CCDC61: variants seen among roughly 807,000 people sequenced by gnomAD.
CCDC61 encodes the protein coiled-coil domain containing 61, also known as centrosomal protein CCDC61.
Under a neutral mutation model 63.0 loss-of-function variants are expected in CCDC61, and 55 were observed. The ratio of observed to expected loss-of-function variants is 0.87; its 90% CI spans 0.70 to 1.09. CCDC61 has a LOEUF of 1.09. Ranked by LOEUF, CCDC61 falls within the 50% of genes least tolerant of loss-of-function variation. CCDC61 has a pLI of 0.00. For missense variants in CCDC61, 651 were observed against 731.4 expected (o/e 0.89, Z 1.27); for synonymous variants, 270 against 317.0 (o/e 0.85, Z 1.58).
intron 12 of CCDC61, among the ~76,000 whole-genome samples, chr19:46,017,542 C>CT (rs1383357029): frequency 8.0e-6 from 1 of 124,982 alleles, no homozygotes; most frequent in African/African-American, 2.9e-5. Flanking sequence ...TGGGACTAGG[C>CT]TTTTTTGGGG....
chr19:46,006,815 T>A (rs1325508673), intron 4 of CCDC61, 99 bp downstream of exon 4: 1 of 1,139,666 alleles, frequency 8.8e-7, no homozygotes, highest in African/African-American at 1.5e-5. Context: ...CAAGGTGATA[T>A]TGGTTAAGCC....
At chr19:46,017,442 C>A in intron 12 of CCDC61, 138 bp downstream of exon 12, 1 of 787,520 alleles carries the variant, frequency 1.3e-6, no homozygotes, top group Non-Finnish European at 2.0e-6. Flanking sequence ...CTCGCTCTTT[C>A]AGGCTGGGGT....
intron 3 of CCDC61, among the ~76,000 whole-genome samples, chr19:46,004,087 C>T (rs1004658967): frequency 7.9e-5 from 12 of 151,388 alleles, no homozygotes; most frequent in Admixed American, 3.3e-4. Flanking sequence ...TACAGGCGCA[C>T]GCCACCATGC....
intron 1 of CCDC61, chr19:45,999,971 G>A: frequency 1.0e-6 from 1 of 966,728 alleles, no homozygotes; most frequent in Non-Finnish European, 1.2e-6. Context: ...AGGCTGAGAA[G>A]AGGAACTGGG....
At position 46,008,147 on chromosome 19, in the gene CCDC61, TA is replaced by T. The variant is rs1968748666; in HGVS notation, c.398del (p.Tyr133SerfsTer23). 9 of 1,608,200 alleles carry T rather than the reference TA, an allele frequency of 5.6e-6. No homozygotes were observed. The highest frequency in any genetic ancestry group is 7.6e-6 in the Non-Finnish European group (9 of 1,177,464). ...TTAATCCTCCCTCCTCAGGATTCACTACCCGCTGCCCCTCCCGTACCAGGGC... is the reference window on the plus strand; with the variant it reads ...TTAATCCTCCCTCCTCAGGATTCACTCCCGCTGCCCCTCCCGTACCAGGGC... ...IYSVEFDRIH[Y>X]PLPLPYQGKP... On this transcript the variant is annotated frameshift_variant, in exon 5 of 14. Transcript: ENST00000595358. LOFTEE classifies it high-confidence loss of function.
At position 46,018,329 on chromosome 19, in the gene CCDC61, T is replaced by C. The variant is rs779747916; in HGVS notation, c.1481T>C (p.Ile494Thr). ...SEHQAADMAE[I>T]DARLKALQEY... ...CACCAGGCGGCTGACATGGCCGAAATAGACGCACGCCTGAAGGCCTTGCAG... is the reference window on the plus strand; with the variant it reads ...CACCAGGCGGCTGACATGGCCGAAACAGACGCACGCCTGAAGGCCTTGCAG... The change falls in exon 14 of 14, where the codon ATA (isoleucine) becomes ACA (threonine). Residue 494 changes from isoleucine to threonine, a missense_variant. Coordinates refer to ENST00000595358, the MANE Select transcript of CCDC61 (RefSeq NM_001267723.2). The surrounding 1 kb of genome is among the most constrained non-coding windows in gnomAD (Gnocchi z 4.2). 3 of 1,576,792 alleles carry C rather than the reference T, an allele frequency of 1.9e-6. No individual in the cohort carries two copies. Among genetic ancestry groups the C allele is most frequent in the Non-Finnish European group, 2.6e-6 (3 of 1,161,696 alleles).
chr19:46,017,435 G>A (rs559574120), intron 12 of CCDC61, 131 bp downstream of exon 12: 99 of 808,406 alleles, frequency 1.2e-4, no homozygotes, highest in South Asian at 1.1e-3. Context: ...AGTGCGTCTC[G>A]CTCTTTCAGG....
Position 46,003,453 on chromosome 19 carries a change from C to G in CCDC61, c.183C>G (p.Phe61Leu). The G allele has an allele frequency of 6.5e-7, 1 of 1,531,226 alleles. No individual in the cohort carries two copies. The highest frequency in any genetic ancestry group is 1.1e-5 in the South Asian group (1 of 90,078). 94.9% of individuals were successfully genotyped at this position (1,531,226 alleles called of 1,614,324 possible). A position where few individuals can be genotyped will look rare whatever the true frequency, so the allele number is the denominator to read the frequency against. ...ATTTGACTCACAAGACAGGGAACTTCAAACAGTTCAACATCTTCTGTCATA... is the reference window on the plus strand; with the variant it reads ...ATTTGACTCACAAGACAGGGAACTTGAAACAGTTCAACATCTTCTGTCATA... ...IEDLTHKTGN[F>L]KQFNIFCHML... is the part of the protein sequence containing the mutation. Residue 61 changes from phenylalanine to leucine, a missense_variant, in exon 3 of 14, where the codon TTC becomes TTG. Physicochemically the swap from Phe to Leu is conservative, Grantham distance 22 (BLOSUM62 0). Transcript: ENST00000595358.
At chr19:46,008,878 G>C (rs1348801073) in intron 5 of CCDC61, among the ~76,000 whole-genome samples, 1 of 152,148 alleles carries the variant, frequency 6.6e-6, no homozygotes, top group Non-Finnish European at 1.5e-5. Context: ...GGTACGGGAG[G>C]GGTGTTCTTG....
chr19:46,006,463 A>C, intron 3 of CCDC61, 96 bp from the exon 4 acceptor site: 4 of 1,241,056 alleles, frequency 3.2e-6, no homozygotes, highest in Non-Finnish European at 3.3e-6. Context: ...TAGCCCGCCT[A>C]GAGAACGGGA....
chr19:46,004,932 G>C (rs920243870), intron 3 of CCDC61, among the ~76,000 whole-genome samples: 25 of 146,814 alleles, frequency 1.7e-4, no homozygotes, highest in African/African-American at 6.4e-4. Flanking sequence ...TCCGCGTCTC[G>C]GGTTCAAGTG....
intron 1 of CCDC61, among the ~76,000 whole-genome samples, chr19:46,002,269 G>A (rs1056156526): frequency 6.9e-4 from 104 of 151,782 alleles, no homozygotes; most frequent in African/African-American, 2.4e-3. Context: ...TTAAAAGCTT[G>A]GCTCATCCTA....
chr19:46,003,309 G>A, intron 2 of CCDC61, 110 bp from the exon 3 acceptor site: 1 of 1,430,392 alleles, frequency 7.0e-7, no homozygotes, highest in South Asian at 1.3e-5. Context: ...TGTAGGTCTT[G>A]TTGCTCAAGC....
chr19:46,000,887 G>T (rs1205001779), intron 1 of CCDC61, among the ~76,000 whole-genome samples: 1 of 148,794 alleles, frequency 6.7e-6, no homozygotes, highest in African/African-American at 2.5e-5. Context: ...GGTATGGGGG[G>T]TTTCTGCCGA....
At chr19:46,014,027 G>A (rs1038016505) in intron 5 of CCDC61, among the ~76,000 whole-genome samples, 5 of 152,002 alleles carry the variant, frequency 3.3e-5, no homozygotes, top group Non-Finnish European at 7.4e-5. Context: ...TAAAATTTTT[G>A]TGATGGCATT....
At chr19:46,010,570 A>T (rs1272243782) in intron 5 of CCDC61, among the ~76,000 whole-genome samples, 1 of 152,142 alleles carries the variant, frequency 6.6e-6, no homozygotes, top group Non-Finnish European at 1.5e-5. Context: ...TGGGAGAGGG[A>T]GGCAGGAGGA....
chr19:46,003,024 C>CCGG lies in CCDC61; in HGVS notation c.7_8insGGC (p.Asp2_Gln3insArg). The CCGG allele has an allele frequency of 1.3e-6, 2 of 1,560,312 alleles. No individual in the cohort carries two copies. Among genetic ancestry groups the CCGG allele is most frequent in the Non-Finnish European group, 1.7e-6 (2 of 1,151,724 alleles). On this transcript the variant is annotated inframe_insertion, in exon 2 of 14. Transcript: ENST00000595358. ...CTTCTCCAGCAACCTTGGCCATGGA[C>CCGG]CAGCCGGCTGGCCTGCAGGTGGACT...
intron 5 of CCDC61, among the ~76,000 whole-genome samples, chr19:46,012,491 C>G (rs894459587): frequency 3.9e-5 from 6 of 152,044 alleles, no homozygotes; most frequent in African/African-American, 1.4e-4. Flanking sequence ...ACTAAAAATA[C>G]AAAAATTTAG....
In CCDC61 at chr19:46,018,368, G is replaced by A. The variant is rs201313986; in HGVS notation, c.1520G>A (p.Arg507Gln). The change falls in exon 14 of 14, where the codon CGA becomes CAA. Residue 507 changes from arginine (R) to glutamine (Q), a missense_variant. Physicochemically the swap from Arg to Gln is conservative, Grantham distance 43 (BLOSUM62 1). Transcript: ENST00000595358. The surrounding 1 kb of genome is among the most constrained non-coding windows in gnomAD (Gnocchi z 4.2). ...AAGGCCTTGCAGGAGTACATGAACCGACTGGACATGCGGTCATAACGTGGA... is the reference window on the plus strand; with the variant it reads ...AAGGCCTTGCAGGAGTACATGAACCAACTGGACATGCGGTCATAACGTGGA... ...RLKALQEYMNRLDMRS is the reference protein window; with the variant it reads ...RLKALQEYMNQLDMRS The A allele has an allele frequency of 7.1e-4, 1,122 of 1,571,448 alleles. 2 individuals carry two copies. The highest frequency in any genetic ancestry group is 8.8e-4 in the Non-Finnish European group (1,015 of 1,158,814).
Sources: gnomAD v4.1 joint callset for allele counts (sites outside exome capture counted in the v4.1 genomes callset) on GRCh38, gnomAD v4.1.1 for gene constraint, Gnocchi (gnomAD v3.1) non-coding constraint, MANE v1.5 for transcripts, NCBI Gene and HGNC (gene_info 2026-07-23, HGNC 2026-07-21) for gene names.